The following RAB3C variants were observed in gnomAD, a reference collection of about 807,000 sequenced individuals.
The protein encoded by RAB3C is RAB3C, member RAS oncogene family, also known as ras-related protein Rab-3C.
RAB3C carries 17 observed loss-of-function variants against 26.4 expected under a neutral mutation model. The observed-to-expected ratio is 0.64, with a 90% CI of 0.44 to 0.97. The LOEUF is 0.97. Among genes scored for constraint, RAB3C ranks in the 50% least tolerant of loss-of-function variants. The probability of loss-of-function intolerance (pLI) is 0.00; values close to 1 mark genes in which losing one functional copy is unlikely to be tolerated. For missense variants in RAB3C, 242 were observed against 281.9 expected (o/e 0.86, Z 1.01); for synonymous variants, 91 against 95.9 (o/e 0.95, Z 0.30).
At position 58,586,621 on chromosome 5, in the gene RAB3C, A is replaced by T. The variant is rs142258285; in HGVS notation, c.24+3389A>T. Among the ~76,000 whole-genome samples, 748 of 152,228 alleles carry T rather than the reference A, an allele frequency of 4.9e-3. 6 individuals are homozygous for T. The highest frequency in any genetic ancestry group is 0.017 in the African/African-American group (707 of 41,558). On this transcript the variant is annotated intron_variant, in intron 1 of 4. Transcript: ENST00000282878. ...ATTCATTGTCTCTGACTAAATGCTTACTTTTCCAATTTGTTATCCACAAGC... is the reference window on the plus strand; with the variant it reads ...ATTCATTGTCTCTGACTAAATGCTTTCTTTTCCAATTTGTTATCCACAAGC...
chr5:58,747,163 A>G (rs1741418472), intron 3 of RAB3C, among the ~76,000 whole-genome samples: 1 of 152,204 alleles, frequency 6.6e-6, no homozygotes, highest in African/African-American at 2.4e-5. Context: ...CAGTTTTTAA[A>G]CAACAATAAA....
chr5:58,651,898 A>T (rs1460925985), intron 2 of RAB3C, among the ~76,000 whole-genome samples: 1 of 152,176 alleles, frequency 6.6e-6, no homozygotes. Context: ...TCATCTCTAG[A>T]TTACTTATAA....
intron 2 of RAB3C, among the ~76,000 whole-genome samples, chr5:58,659,633 A>G (rs924381870): frequency 1.2e-4 from 19 of 152,344 alleles, no homozygotes; most frequent in Admixed American, 2.6e-4. Flanking sequence ...ACTTTCCTCC[A>G]GTAGAACCAA....
chr5:58,825,802 G>C (rs1237884967), intron 4 of RAB3C, among the ~76,000 whole-genome samples: 1 of 152,120 alleles, frequency 6.6e-6, no homozygotes, highest in Non-Finnish European at 1.5e-5. Flanking sequence ...GAGTGAGAAG[G>C]GTAGAGATTT....
At chr5:58,700,780 C>T (rs1305652660) in intron 2 of RAB3C, among the ~76,000 whole-genome samples, 1 of 151,986 alleles carries the variant, frequency 6.6e-6, no homozygotes, top group African/African-American at 2.4e-5. Flanking sequence ...TTCCAGTTGG[C>T]TAGGAAATCG....
chr5:58,762,842 A>G (rs574149644), intron 3 of RAB3C, among the ~76,000 whole-genome samples: 28 of 152,228 alleles, frequency 1.8e-4, no homozygotes, highest in Non-Finnish European at 3.8e-4. Context: ...TTTACTCAAT[A>G]TTTCCTAAAA....
chr5:58,696,115 A>G (rs158984), intron 2 of RAB3C, among the ~76,000 whole-genome samples: 81,481 of 152,000 alleles, frequency 0.54, 22,085 homozygotes, highest in Non-Finnish European at 0.59. Flanking sequence ...TTAGTTTATT[A>G]AGAATTTTTA....
At chr5:58,643,927 T>C (rs1352612215) in intron 2 of RAB3C, among the ~76,000 whole-genome samples, 1 of 152,142 alleles carries the variant, frequency 6.6e-6, no homozygotes. Context: ...GTTCGAGAGA[T>C]TCTCCTGCCT....
At chr5:58,740,588 G>A (rs545600674) in intron 3 of RAB3C, among the ~76,000 whole-genome samples, 2 of 152,318 alleles carry the variant, frequency 1.3e-5, no homozygotes, top group South Asian at 4.1e-4. Context: ...TTGGGAGGCT[G>A]AGGTGGGTGG....
intron 3 of RAB3C, among the ~76,000 whole-genome samples, chr5:58,820,210 T>TAA (rs59654318): frequency 2.2e-5 from 3 of 136,514 alleles, no homozygotes; most frequent in East Asian, 2.1e-4. Flanking sequence ...CACTGAAACT[T>TAA]AAAAAAAAAA....
intron 3 of RAB3C, among the ~76,000 whole-genome samples, chr5:58,820,522 A>G (rs1353713062): frequency 6.6e-6 from 1 of 152,194 alleles, no homozygotes; most frequent in Non-Finnish European, 1.5e-5. Context: ...CCCAATTTCA[A>G]TCATAAAATT....
chr5:58,595,849 C>T (rs1746235845), intron 1 of RAB3C, among the ~76,000 whole-genome samples: 1 of 152,252 alleles, frequency 6.6e-6, no homozygotes, highest in Non-Finnish European at 1.5e-5. Context: ...ATCATATCCA[C>T]AAGAAAAGTT....
chr5:58,699,825 C>T (rs867427935), intron 2 of RAB3C, among the ~76,000 whole-genome samples: 24 of 152,220 alleles, frequency 1.6e-4, no homozygotes, highest in African/African-American at 3.4e-4. Flanking sequence ...TTGGGAAAAG[C>T]GCAGTATTTA....
At chr5:58,850,855 A>T (rs189667191) in intron 4 of RAB3C, among the ~76,000 whole-genome samples, 1 of 152,334 alleles carries the variant, frequency 6.6e-6, no homozygotes, top group East Asian at 1.9e-4. Flanking sequence ...TGTCATTACT[A>T]ACTCTTGCAA....
At chr5:58,646,281 C>T (rs757534613) in intron 2 of RAB3C, among the ~76,000 whole-genome samples, 9 of 152,072 alleles carry the variant, frequency 5.9e-5, no homozygotes, top group African/African-American at 1.2e-4. Context: ...CTCAGTCTCT[C>T]GAGAAGCATA....
At chr5:58,646,654 C>T (rs900688616) in intron 2 of RAB3C, among the ~76,000 whole-genome samples, 14 of 151,984 alleles carry the variant, frequency 9.2e-5, no homozygotes, top group Non-Finnish European at 1.6e-4. Flanking sequence ...GCAGGGCACA[C>T]AGTGAAAATA....
chr5:58,715,293 C>A (rs1008217287), intron 2 of RAB3C, among the ~76,000 whole-genome samples: 5 of 147,128 alleles, frequency 3.4e-5, no homozygotes, highest in Admixed American at 6.7e-5. Context: ...TTTTTTTTTT[C>A]CTAGAGGGTA....
At chr5:58,687,809 A>T (rs181877939) in intron 2 of RAB3C, among the ~76,000 whole-genome samples, 2 of 152,286 alleles carry the variant, frequency 1.3e-5, no homozygotes, top group Admixed American at 6.5e-5. Flanking sequence ...ATTTAGATAC[A>T]CTAGTATCCT....
rs76931355 is a variant in RAB3C, at chr5:58,637,465, T to C, written c.252+19595T>C. 1.9e-3 allele frequency among the ~76,000 whole-genome samples: 296 copies of C among 152,290 alleles called. 2 individuals are homozygous for C. Among genetic ancestry groups the C allele is most frequent in the African/African-American group, 6.8e-3 (283 of 41,580 alleles). On this transcript the variant is annotated intron_variant, in intron 2 of 4. Transcript: ENST00000282878. ...CTATCCCCGAAGACTCCAGATTTTT[T>C]CTGGGATTTTCCTATAAAAAGACTT...
Sources: allele counts gnomAD v4.1 joint callset (sites outside exome capture counted in the v4.1 genomes callset), GRCh38; gene constraint gnomAD v4.1.1; transcripts MANE v1.5; gene names NCBI Gene and HGNC (gene_info 2026-07-23, HGNC 2026-07-21).